Variants in DMAC1 observed in about 807,000 individuals in gnomAD.
DMAC1 encodes the protein distal membrane-arm assembly complex protein 1.
In DMAC1, 10 loss-of-function variants were observed where a neutral mutation model predicts 7.0. The ratio of observed to expected loss-of-function variants is 1.43; its 90% CI spans 0.88 to 2.43. DMAC1 has a LOEUF of 2.43. Among genes scored for constraint, DMAC1 ranks in the 30% most tolerant of loss-of-function variants. The pLI, the probability that DMAC1 is intolerant of heterozygous loss-of-function variation, is 0.00. For synonymous variants in DMAC1, 92 were observed against 66.2 expected, an observed-to-expected ratio of 1.39 and a Z score of -1.90; for missense variants, 219 against 158.7, an observed-to-expected ratio of 1.38 and a Z score of -2.04.
Position 7,798,288 on chromosome 9 carries a change from C to G in DMAC1, c.*285G>C. On this transcript the variant is annotated 3_prime_UTR_variant, in exon 2 of 2. Coordinates refer to ENST00000358227, the MANE Select transcript of DMAC1 (RefSeq NM_033428.3). ...TGTTTATATATAATGCTTAATTAAG[C>G]AATTATATTTAAATATAAGTTATAC... 1 of 327,904 alleles carries G rather than the reference C, an allele frequency of 3.0e-6. No individual in the cohort carries two copies. Among genetic ancestry groups the G allele is most frequent in the Non-Finnish European group, 5.6e-6 (1 of 177,686 alleles). The allele number at this position is 327,904 out of a possible 1,614,324, so 20.3% of individuals were successfully genotyped here.
At position 7,797,389 on chromosome 9, in the gene DMAC1, A is replaced by G. The variant is rs1264927604; in HGVS notation, c.*1184T>C. 6.6e-6 allele frequency: 1 copy of G among 152,242 alleles called. No individual in the cohort carries two copies. Among genetic ancestry groups the G allele is most frequent in the Non-Finnish European group, 1.5e-5 (1 of 68,044 alleles). 9.4% of individuals were successfully genotyped at this position (152,242 alleles called of 1,614,324 possible). ...GTAGAAAATACAAGATTCTAAAGTCATCTGTGAGGCTAAATAGACTTAGGC... is the reference window on the plus strand; with the variant it reads ...GTAGAAAATACAAGATTCTAAAGTCGTCTGTGAGGCTAAATAGACTTAGGC... On this transcript the variant is annotated 3_prime_UTR_variant, in exon 2 of 2. Coordinates refer to ENST00000358227, the MANE Select transcript of DMAC1 (RefSeq NM_033428.3).
chr9:7,799,503 G>A lies in DMAC1; in HGVS notation c.232C>T (p.Pro78Ser), dbSNP rs1280397616. ...VARKPMKMGY[P>S]PSPWTITQMV... is the part of the protein sequence containing the mutation. The stretch of plus-strand genomic sequence containing the variant: ...TGCGTAATGGTCCATGGACTCGGGG[G>A]GTATCCCATCTTCATGGGCTTCCGT... Residue 78 changes from proline (P) to serine (S), a missense_variant, in exon 1 of 2, where the codon CCC becomes TCC. Coordinates refer to ENST00000358227, the MANE Select transcript of DMAC1 (RefSeq NM_033428.3). The A allele has an allele frequency of 6.2e-7, 1 of 1,613,290 alleles. No individual in the cohort carries two copies. Among genetic ancestry groups the A allele is most frequent in the Non-Finnish European group, 8.5e-7 (1 of 1,180,008 alleles).
rs1024321290 is a variant in DMAC1, at chr9:7,796,578, T to C, written c.*1995A>G. ...AAGTCTGAGAAAAACATTAAAATGC[T>C]ATTACAATACAGTTGACCCAAACAA... On this transcript the variant is annotated 3_prime_UTR_variant, in exon 2 of 2. Coordinates refer to ENST00000358227, the MANE Select transcript of DMAC1 (RefSeq NM_033428.3). 2 of 152,176 alleles carry C rather than the reference T, an allele frequency of 1.3e-5. No individual in the cohort carries two copies. The highest frequency in any genetic ancestry group is 4.8e-5 in the African/African-American group (2 of 41,446). The allele number at this position is 152,176 out of a possible 1,614,324, so 9.4% of individuals were successfully genotyped here.
At position 7,799,466 on chromosome 9, in the gene DMAC1, C is replaced by T; in HGVS notation, c.269G>A (p.Gly90Asp). Residue 90 changes from glycine (G) to aspartate (D), a missense_variant, in exon 1 of 2, where the codon GGC becomes GAC. Coordinates refer to ENST00000358227, the MANE Select transcript of DMAC1 (RefSeq NM_033428.3). ...SPWTITQMVI[G>D]LSIATWGIVV... ...TGCTGTGCCTTGATTCTCACTGAGG[C>T]CGATGACCATCTGCGTAATGGTCCA... The T allele has an allele frequency of 2.5e-6, 4 of 1,612,674 alleles. No individual in the cohort carries two copies. The highest frequency in any genetic ancestry group is 3.4e-6 in the Non-Finnish European group (4 of 1,180,008).
chr9:7,798,529 G>C lies in DMAC1; in HGVS notation c.*44C>G. 1 of 1,603,280 alleles carries C rather than the reference G, an allele frequency of 6.2e-7. No homozygotes were observed. The highest frequency in any genetic ancestry group is 8.5e-7 in the Non-Finnish European group (1 of 1,170,156). ...ATTCCATGCCTGCTGTGTGTGTCAC[G>C]GGGAAAGGGACAGAGACAGAAGACA... On this transcript the variant is annotated 3_prime_UTR_variant, in exon 2 of 2. Transcript: ENST00000358227.
Position 7,798,596 on chromosome 9 carries a change from C to G in DMAC1, c.316G>C (p.Gly106Arg), listed in dbSNP as rs376913454. The change falls in exon 2 of 2, where the codon GGG (glycine) becomes CGG (arginine). Residue 106 changes from glycine to arginine, a missense_variant. By Grantham distance (125) the Gly-to-Arg change is moderately radical (BLOSUM62 -2). Transcript: ENST00000358227. ...WGIVVMADPK[G>R]KAYRVV ...TTTCAAACAACGCGGTAGGCCTTCCCTTTGGGGTCTGCCATGACAACGATA... is the reference window on the plus strand; with the variant it reads ...TTTCAAACAACGCGGTAGGCCTTCCGTTTGGGGTCTGCCATGACAACGATA... 1.2e-6 allele frequency: 2 copies of G among 1,609,012 alleles called. No individual in the cohort carries two copies. The highest frequency in any genetic ancestry group is 1.7e-6 in the Non-Finnish European group (2 of 1,176,398).
chr9:7,799,457 T>G lies in DMAC1; in HGVS notation c.274+4A>C. On this transcript the variant is annotated splice_donor_region_variant and intron_variant, in intron 1 of 1. Transcript: ENST00000358227. ...CCGCCCAAGTGCTGTGCCTTGATTC[T>G]CACTGAGGCCGATGACCATCTGCGT... is the stretch of plus-strand genomic sequence containing the variant. 6.2e-7 allele frequency: 1 copy of G among 1,612,370 alleles called. No individual in the cohort carries two copies. The highest frequency in any genetic ancestry group is 1.1e-5 in the South Asian group (1 of 90,986).
intron 1 of DMAC1, 109 bp downstream of exon 1, chr9:7,799,352 C>G: frequency 7.1e-7 from 1 of 1,407,882 alleles, no homozygotes; most frequent in South Asian, 1.3e-5. Context: ...CACCACCTGA[C>G]CAGCGGCAGC....
In DMAC1 at chr9:7,799,498, CG is replaced by C. The variant is rs778030114; in HGVS notation, c.236del (p.Pro79ArgfsTer59). The C allele has an allele frequency of 8.9e-5, 143 of 1,613,176 alleles. No homozygotes were observed. Among genetic ancestry groups the C allele is most frequent in the Non-Finnish European group, 1.1e-4 (134 of 1,180,036 alleles). On this transcript the variant is annotated frameshift_variant, in exon 1 of 2. Transcript: ENST00000358227. LOFTEE classifies it high-confidence loss of function. ...CCATCTGCGTAATGGTCCATGGACT[CG>C]GGGGGTATCCCATCTTCATGGGCTT... is the stretch of plus-strand genomic sequence containing the variant. The part of the protein sequence containing the change: ...ARKPMKMGYP[P>X]SPWTITQMVI...
Position 7,799,372 on chromosome 9 carries a change from C to A in DMAC1, c.274+89G>T, listed in dbSNP as rs1250277136. The A allele has an allele frequency of 1.7e-5, 23 of 1,372,874 alleles. 1 individual carries two copies. The East Asian group carries it at 3.2e-4, about 19-fold the overall frequency. 85.0% of individuals were successfully genotyped at this position (1,372,874 alleles called of 1,614,324 possible). A position where few individuals can be genotyped will look rare whatever the true frequency, so the allele number is the denominator to read the frequency against. Reference sequence around the variant, plus strand: ...CCTGACCAGCGGCAGCACCCCGCCTCCCCGCCTCCCCGCCCACGTGGCTGC... The same window carrying A: ...CCTGACCAGCGGCAGCACCCCGCCTACCCGCCTCCCCGCCCACGTGGCTGC... On this transcript the variant is annotated intron_variant, in intron 1 of 1. Transcript: ENST00000358227.
Position 7,798,601 on chromosome 9 carries a change from G to C in DMAC1, c.311C>G (p.Pro104Arg). 7 of 1,606,614 alleles carry C rather than the reference G, an allele frequency of 4.4e-6. No individual in the cohort carries two copies. The highest frequency in any genetic ancestry group is 6.0e-6 in the Non-Finnish European group (7 of 1,174,726). ...ATWGIVVMAD[P>R]KGKAYRVV Reference sequence around the variant, plus strand: ...AACAACGCGGTAGGCCTTCCCTTTGGGGTCTGCCATGACAACGATACCCCA... The same window carrying C: ...AACAACGCGGTAGGCCTTCCCTTTGCGGTCTGCCATGACAACGATACCCCA... Residue 104 changes from proline to arginine, a missense_variant, in exon 2 of 2, where the codon CCC becomes CGC. Coordinates refer to ENST00000358227, the MANE Select transcript of DMAC1 (RefSeq NM_033428.3).
chr9:7,798,758 T>C, intron 1 of DMAC1, 121 bp from the exon 2 acceptor site: 1 of 773,744 alleles, frequency 1.3e-6, no homozygotes, highest in African/African-American at 1.8e-5. Flanking sequence ...CCATTGTATC[T>C]TTCTTATAAG....
rs1818697939 is a variant in DMAC1, at chr9:7,799,552, C to T, written c.183G>A (p.Ala61=). The T allele has an allele frequency of 6.2e-7, 1 of 1,613,874 alleles. No homozygotes were observed. Among genetic ancestry groups the T allele is most frequent in the Non-Finnish European group, 8.5e-7 (1 of 1,180,030 alleles). ...GTGCCACCCAGTACACGTACCCGCC[C>T]GCCCCCATCAGCCCCAACCCAGAAA... is the stretch of plus-strand genomic sequence containing the variant. The part of the protein sequence containing the change: ...RVLSGLGLMG[A]GGYVYWVARK... Residue 61 remains alanine (A), a synonymous_variant, in exon 1 of 2, where the codon GCG becomes GCA. Coordinates refer to ENST00000358227, the MANE Select transcript of DMAC1 (RefSeq NM_033428.3).
rs142993570 is a variant in DMAC1 at position 7,798,454 on chromosome 9, C to T, written c.*119G>A. The stretch of plus-strand genomic sequence containing the variant: ...TTTCTTCTCAGTCTTGTAGTATCCA[C>T]AGTAGTGATGTCTGTCCATGTACAA... On this transcript the variant is annotated 3_prime_UTR_variant, in exon 2 of 2. Coordinates refer to ENST00000358227, the MANE Select transcript of DMAC1 (RefSeq NM_033428.3). 7 of 1,094,842 alleles carry T rather than the reference C, an allele frequency of 6.4e-6. No homozygotes were observed. In the African/African-American group the frequency reaches 9.2e-5, roughly 14 times the overall value. 67.8% of individuals were successfully genotyped at this position (1,094,842 alleles called of 1,614,324 possible).
At position 7,799,631 on chromosome 9, in the gene DMAC1, G is replaced by T. The variant is rs1818701583; in HGVS notation, c.104C>A (p.Pro35Gln). The change falls in exon 1 of 2, where the codon CCG becomes CAG. Residue 35 changes from proline to glutamine, a missense_variant. Coordinates refer to ENST00000358227, the MANE Select transcript of DMAC1 (RefSeq NM_033428.3). The stretch of plus-strand genomic sequence containing the variant: ...CAGGCGGTGTTCTGCTGGGGAGGTC[G>T]GCGCTCCGGGTGTAGCTGGGGGCGC... Reference protein sequence around the residue: ...KPAPPATPGAPTSPAEHRLLK... With the variant: ...KPAPPATPGAQTSPAEHRLLK... The T allele has an allele frequency of 6.2e-7, 1 of 1,612,950 alleles. No homozygotes were observed. Among genetic ancestry groups the T allele is most frequent in the Admixed American group, 1.7e-5 (1 of 59,996 alleles).
rs1411264692 is a variant in DMAC1, at chr9:7,798,063, G to C, written c.*510C>G. ...TATATATTGCATGATGCCCACCCAGGGTTAGGTTAACAGTTGTTGATCCAA... is the reference window on the plus strand; with the variant it reads ...TATATATTGCATGATGCCCACCCAGCGTTAGGTTAACAGTTGTTGATCCAA... On this transcript the variant is annotated 3_prime_UTR_variant, in exon 2 of 2. Transcript: ENST00000358227. 6.6e-6 allele frequency: 1 copy of C among 152,242 alleles called. No individual in the cohort carries two copies. The highest frequency in any genetic ancestry group is 2.4e-5 in the African/African-American group (1 of 41,356). 9.4% of individuals were successfully genotyped at this position (152,242 alleles called of 1,614,324 possible). A position where few individuals can be genotyped will look rare whatever the true frequency, so the allele number is the denominator to read the frequency against.
In DMAC1 at chr9:7,799,699, A is replaced by C. The variant is rs1818706697; in HGVS notation, c.36T>G (p.Tyr12Ter). The C allele has an allele frequency of 6.3e-7, 1 of 1,580,982 alleles. No homozygotes were observed. The highest frequency in any genetic ancestry group is 1.7e-5 in the Admixed American group (1 of 58,238). The part of the protein sequence containing the change: ...GSRLSQPFES[Y>*]ITAPPGTAAA... Reference sequence around the variant, plus strand: ...CGGCGGTACCGGGAGGCGCAGTGATATAGGACTCAAAAGGCTGGGACAACC... The same window carrying C: ...CGGCGGTACCGGGAGGCGCAGTGATCTAGGACTCAAAAGGCTGGGACAACC... Residue 12 changes from tyrosine (Y) to a stop codon, truncating the protein, a stop_gained, in exon 1 of 2, where the codon TAT becomes TAG. Coordinates refer to ENST00000358227, the MANE Select transcript of DMAC1 (RefSeq NM_033428.3). LOFTEE classifies it high-confidence loss of function.
At position 7,799,674 on chromosome 9, in the gene DMAC1, C is replaced by T. The variant is rs1388218039; in HGVS notation, c.61G>A (p.Ala21Thr). ...GGGGGCGCAGGTTTGGCGGGCGCGG[C>T]GGCGGTACCGGGAGGCGCAGTGATA... is the stretch of plus-strand genomic sequence containing the variant. ...SYITAPPGTA[A>T]APAKPAPPAT... The change falls in exon 1 of 2, where the codon GCC becomes ACC. Residue 21 changes from alanine (A) to threonine (T), a missense_variant. Physicochemically the swap from Ala to Thr is moderately conservative, Grantham distance 58 (BLOSUM62 0). Transcript: ENST00000358227. 6.2e-7 allele frequency: 1 copy of T among 1,604,046 alleles called. No individual in the cohort carries two copies. The highest frequency in any genetic ancestry group is 1.7e-5 in the Admixed American group (1 of 59,712).
At chr9:7,799,122 G>A (rs1464959752) in intron 1 of DMAC1, among the ~76,000 whole-genome samples, 1 of 151,992 alleles carries the variant, frequency 6.6e-6, no homozygotes, top group African/African-American at 2.4e-5. Flanking sequence ...ATATACCTGG[G>A]ATCAAGTGAC....
Sources: gnomAD v4.1 joint callset for allele counts (sites outside exome capture counted in the v4.1 genomes callset) on GRCh38, gnomAD v4.1.1 for gene constraint, MANE v1.5 for transcripts, NCBI Gene and HGNC (gene_info 2026-07-23, HGNC 2026-07-21) for gene names.